Variants in KLF13 observed in about 807,000 individuals in gnomAD.
KLF13 encodes the protein KLF transcription factor 13.
In KLF13, 8 loss-of-function variants were observed where a neutral mutation model predicts 16.7. That is an observed-to-expected ratio of 0.48 (90% CI 0.28 to 0.87). The LOEUF is 0.87. Among genes scored for constraint, KLF13 ranks in the 40% least tolerant of loss-of-function variants. The pLI, the probability that KLF13 is intolerant of heterozygous loss-of-function variation, is 0.10. For missense variants in KLF13, 447 were observed against 452.2 expected (o/e 0.99, Z 0.10); for synonymous variants, 245 against 208.4 (o/e 1.18, Z -1.51).
intron 1 of KLF13, among the ~76,000 whole-genome samples, chr15:31,340,383 T>C (rs2039001505): frequency 6.6e-6 from 1 of 152,262 alleles, no homozygotes; most frequent in African/African-American, 2.4e-5. Flanking sequence ...TCCTGGCCTT[T>C]CCAGGTTTCC....
chr15:31,351,740 G>A (rs1379358758), intron 1 of KLF13, among the ~76,000 whole-genome samples: 5 of 152,134 alleles, frequency 3.3e-5, no homozygotes, highest in African/African-American at 9.7e-5. Flanking sequence ...CACCGGGCGC[G>A]GTGGCTCATG....
rs1286092350 is a variant in KLF13, at chr15:31,326,882, G to A, written c.-331G>A. ...GCAGCTGTCCCGCCTGCCACAATGCGCGGCGAAGCTGCGGCCGCGACTTGG... is the reference window on the plus strand; with the variant it reads ...GCAGCTGTCCCGCCTGCCACAATGCACGGCGAAGCTGCGGCCGCGACTTGG... On this transcript the variant is annotated 5_prime_UTR_variant, in exon 1 of 2. Coordinates refer to ENST00000307145, the MANE Select transcript of KLF13 (RefSeq NM_015995.4). The A allele has an allele frequency of 6.6e-6, 1 of 151,058 alleles. No individual in the cohort carries two copies. Among genetic ancestry groups the A allele is most frequent in the Non-Finnish European group, 1.5e-5 (1 of 67,704 alleles). 9.4% of individuals were successfully genotyped at this position (151,058 alleles called of 1,614,324 possible). A position where few individuals can be genotyped will look rare whatever the true frequency, so the allele number is the denominator to read the frequency against.
At chr15:31,427,110 G>C (rs1029405386) in intron 1 of KLF13, among the ~76,000 whole-genome samples, 1 of 152,150 alleles carries the variant, frequency 6.6e-6, no homozygotes, top group Non-Finnish European at 1.5e-5. Flanking sequence ...GGAGTCTCCA[G>C]CTTGCAGACA....
At chr15:31,395,729 CG>C (rs2039944596) in intron 2 of KLF13, among the ~76,000 whole-genome samples, 1 of 152,014 alleles carries the variant, frequency 6.6e-6, no homozygotes, top group African/African-American at 2.4e-5. Flanking sequence ...TGCATTTCCC[CG>C]ATGGCAACAT....
downstream of KLF13, among the ~76,000 whole-genome samples, chr15:31,379,880 G>T (rs1480566971): frequency 1.3e-5 from 2 of 152,154 alleles, no homozygotes; most frequent in African/African-American, 4.8e-5. Flanking sequence ...GTGGCAGTTA[G>T]GCGAAGTGCT....
At chr15:31,328,160 G>T (rs866860745) in intron 1 of KLF13, among the ~76,000 whole-genome samples, 1 of 150,294 alleles carries the variant, frequency 6.7e-6, no homozygotes, top group Non-Finnish European at 1.5e-5. Flanking sequence ...GGCGGCACTC[G>T]TGACGGTGGG....
intron 1 of KLF13, among the ~76,000 whole-genome samples, chr15:31,418,858 C>A (rs1434888625): frequency 6.6e-6 from 1 of 152,136 alleles, no homozygotes; most frequent in Non-Finnish European, 1.5e-5. Context: ...ATCTGTGATC[C>A]TAGCACTTTG....
At position 31,327,312 on chromosome 15, in the gene KLF13, C is replaced by T; in HGVS notation, c.100C>T (p.Arg34Trp). ...CGGGCCGCGGGAGGGGCCGGAGTCCCGGCCCGAGGGCGCGGCCGTGGCCGC... is the reference window on the plus strand; with the variant it reads ...CGGGCCGCGGGAGGGGCCGGAGTCCTGGCCCGAGGGCGCGGCCGTGGCCGC... ...VHGPREGPES[R>W]PEGAAVAATP... The change falls in exon 1 of 2, where the codon CGG (arginine) becomes TGG (tryptophan). Residue 34 changes from arginine to tryptophan, a missense_variant. Coordinates refer to ENST00000307145, the MANE Select transcript of KLF13 (RefSeq NM_015995.4). 7.8e-7 allele frequency: 1 copy of T among 1,289,994 alleles called. No homozygotes were observed. The highest frequency in any genetic ancestry group is 9.8e-7 in the Non-Finnish European group (1 of 1,022,854). 79.9% of individuals were successfully genotyped at this position (1,289,994 alleles called of 1,614,324 possible). A position where few individuals can be genotyped will look rare whatever the true frequency, so the allele number is the denominator to read the frequency against.
chr15:31,433,525 T>C (rs536715021), intron 1 of KLF13, among the ~76,000 whole-genome samples: 18 of 152,134 alleles, frequency 1.2e-4, no homozygotes, highest in African/African-American at 4.1e-4. Flanking sequence ...CCAGTCCCTG[T>C]GTGCTCTGCA....
intron 1 of KLF13, among the ~76,000 whole-genome samples, chr15:31,329,453 C>G (rs1167342370): frequency 6.7e-6 from 1 of 150,178 alleles, no homozygotes; most frequent in Non-Finnish European, 1.5e-5. Context: ...GCCTGCCACT[C>G]GGCAGCACCG....
intron 1 of KLF13, among the ~76,000 whole-genome samples, chr15:31,352,952 C>G (rs1433888159): frequency 6.6e-6 from 1 of 152,120 alleles, no homozygotes; most frequent in Non-Finnish European, 1.5e-5. Flanking sequence ...GGACCCACCT[C>G]CCCGTCTGTA....
intron 1 of KLF13, among the ~76,000 whole-genome samples, chr15:31,423,082 TATA>T (rs1332186699): frequency 7.0e-6 from 1 of 143,332 alleles, no homozygotes. Flanking sequence ...AACAATTACA[TATA>T]TATACGTATA....
chr15:31,342,550 TCAGCCATCAG>T (rs1377469073), intron 1 of KLF13, among the ~76,000 whole-genome samples: 7 of 152,208 alleles, frequency 4.6e-5, no homozygotes, highest in African/African-American at 9.6e-5. Flanking sequence ...GGTCGGCATC[TCAGCCATCAG>T]CAGCCCGGAG....
At chr15:31,352,582 C>A (rs1348706001) in intron 1 of KLF13, among the ~76,000 whole-genome samples, 1 of 152,106 alleles carries the variant, frequency 6.6e-6, no homozygotes, top group Admixed American at 6.6e-5. Context: ...GTGCTGGCCC[C>A]GTGGAAGGGC....
Position 31,327,061 on chromosome 15 carries a change from C to G in KLF13, c.-152C>G. ...AGACGCGGAGCCGCGCGGGTGACGGCACAGGCGGCTGCGCGCCCAGCCCAG... is the reference window on the plus strand; with the variant it reads ...AGACGCGGAGCCGCGCGGGTGACGGGACAGGCGGCTGCGCGCCCAGCCCAG... On this transcript the variant is annotated 5_prime_UTR_variant, in exon 1 of 2. Coordinates refer to ENST00000307145, the MANE Select transcript of KLF13 (RefSeq NM_015995.4). 1.6e-6 allele frequency: 1 copy of G among 634,076 alleles called. No homozygotes were observed. The highest frequency in any genetic ancestry group is 2.1e-6 in the Non-Finnish European group (1 of 484,214). 39.3% of individuals were successfully genotyped at this position (634,076 alleles called of 1,614,324 possible).
intron 1 of KLF13, among the ~76,000 whole-genome samples, chr15:31,413,187 C>CAAAAAAAAAAAAAAAATAAAAAAAAA (rs1161762538): frequency 1.6e-5 from 1 of 63,350 alleles, no homozygotes; most frequent in African/African-American, 4.5e-5. Context: ...AATGAATAGA[C>CAAAAAAAAAAAAAAAATAAAAAAAAA]AAAAAAAAAA....
intron 1 of KLF13, among the ~76,000 whole-genome samples, chr15:31,343,826 G>A (rs1401226828): frequency 6.6e-6 from 1 of 152,168 alleles, no homozygotes; most frequent in Non-Finnish European, 1.5e-5. Context: ...TCCTTGGAGA[G>A]GTCTGAGGCT....
intron 1 of KLF13, among the ~76,000 whole-genome samples, chr15:31,355,980 C>G (rs750316914): frequency 7.2e-5 from 11 of 152,224 alleles, no homozygotes; most frequent in South Asian, 4.1e-4. Flanking sequence ...CTTGGCAGAG[C>G]TCCTGCTGCA....
intron 1 of KLF13, among the ~76,000 whole-genome samples, chr15:31,414,128 C>T (rs924961367): frequency 2.6e-5 from 4 of 152,068 alleles, no homozygotes; most frequent in Admixed American, 2.0e-4. Context: ...CTTAATAGAT[C>T]ACTGGAATTA....
Sources: allele counts gnomAD v4.1 joint callset (sites outside exome capture counted in the v4.1 genomes callset), GRCh38; gene constraint gnomAD v4.1.1; transcripts MANE v1.5; gene names NCBI Gene and HGNC (gene_info 2026-07-23, HGNC 2026-07-21).